Variants in FAM169A observed in about 807,000 individuals in gnomAD.
The protein encoded by FAM169A is soluble lamin-associated protein of 75 kDa.
In FAM169A, 24 loss-of-function variants were observed where a neutral mutation model predicts 75.7. That is an observed-to-expected ratio of 0.32 (90% CI 0.23 to 0.45). The LOEUF (loss-of-function observed/expected upper bound fraction) is 0.45, where lower values mean the gene tolerates loss of function less well. Ranked by LOEUF, FAM169A falls within the 20% of genes least tolerant of loss-of-function variation. The pLI, the probability that FAM169A is intolerant of heterozygous loss-of-function variation, is 1.00. For missense variants in FAM169A, 673 were observed against 784.0 expected (o/e 0.86, Z 1.69); for synonymous variants, 271 against 271.0 (o/e 1.00, Z 0.00).
rs985557846 is a variant in FAM169A at position 74,795,078 on chromosome 5, T to C, written c.1260+952A>G. On this transcript the variant is annotated intron_variant, in intron 11 of 12. Transcript: ENST00000687041. ...TTTGAGACCAGCCTGGCCAAAGTGG[T>C]GAAACCCCGTCTCTACTAAAAATAC... 2.6e-5 allele frequency among the ~76,000 whole-genome samples: 4 copies of C among 152,122 alleles called. No homozygotes were observed. In the East Asian group the frequency reaches 7.8e-4, roughly 30 times the overall value.
intron 12 of FAM169A, 68 bp downstream of exon 12, chr5:74,782,863 T>A: frequency 8.8e-7 from 1 of 1,142,774 alleles, no homozygotes; most frequent in South Asian, 1.4e-5. Context: ...ATATATACCA[T>A]GCACCCTCCT....
At chr5:74,842,290 A>T (rs1039767550) in intron 1 of FAM169A, among the ~76,000 whole-genome samples, 2 of 151,456 alleles carry the variant, frequency 1.3e-5, no homozygotes, top group African/African-American at 2.4e-5. Flanking sequence ...GCATGGTGGC[A>T]GATGCCTGTA....
At chr5:74,848,668 T>C (rs925189827) in intron 1 of FAM169A, 1 of 152,180 alleles carries the variant, frequency 6.6e-6, no homozygotes, top group Non-Finnish European at 1.5e-5. Context: ...GGTAACGTGA[T>C]GCAACTGGAC....
Position 74,841,665 on chromosome 5 carries a change from A to G in FAM169A, c.12T>C (p.Pro4=). Residue 4 remains proline, a synonymous_variant, in exon 2 of 13, where the codon CCT becomes CCC. Coordinates refer to ENST00000687041, the MANE Select transcript of FAM169A (RefSeq NM_001376049.1). ...GGCTGCAATTTTCCAGCATATCCACAGGGAATGCCATCCTCTTTAACAAAC... is the reference window on the plus strand; with the variant it reads ...GGCTGCAATTTTCCAGCATATCCACGGGGAATGCCATCCTCTTTAACAAAC... MAF[P]VDMLENCSHE... is the part of the protein sequence containing the mutation. 1 of 1,612,518 alleles carries G rather than the reference A, an allele frequency of 6.2e-7. No homozygotes were observed.
intron 1 of FAM169A, among the ~76,000 whole-genome samples, chr5:74,845,297 T>C (rs1749096571): frequency 6.6e-6 from 1 of 152,080 alleles, no homozygotes; most frequent in African/African-American, 2.4e-5. Flanking sequence ...GGTGGTTGGA[T>C]CATGAGGTCA....
intron 5 of FAM169A, among the ~76,000 whole-genome samples, chr5:74,821,711 T>C (rs191774048): frequency 8.1e-4 from 124 of 152,348 alleles, no homozygotes; most frequent in African/African-American, 2.8e-3. Flanking sequence ...TACACGTTCC[T>C]GGGAAGTGGA....
chr5:74,833,403 T>C (rs997896696), intron 5 of FAM169A, among the ~76,000 whole-genome samples: 4 of 152,304 alleles, frequency 2.6e-5, no homozygotes, highest in African/African-American at 9.6e-5. Flanking sequence ...TATTTCAAAT[T>C]TATACAAGAA....
chr5:74,819,415 GAT>G (rs1415018422), intron 5 of FAM169A, among the ~76,000 whole-genome samples: 3 of 152,204 alleles, frequency 2.0e-5, no homozygotes, highest in African/African-American at 7.2e-5. Context: ...TGTTGGCTAA[GAT>G]GTGGAGAAAC....
At chr5:74,858,761 A>G (rs1749883247) in intron 1 of FAM169A, among the ~76,000 whole-genome samples, 2 of 152,164 alleles carry the variant, frequency 1.3e-5, no homozygotes, top group South Asian at 2.1e-4. Context: ...AAAAAGTAAA[A>G]AAAAATTTGG....
intron 11 of FAM169A, among the ~76,000 whole-genome samples, chr5:74,792,106 T>G (rs1746008173): frequency 6.6e-6 from 1 of 152,226 alleles, no homozygotes; most frequent in African/African-American, 2.4e-5. Flanking sequence ...TTGTATTATG[T>G]TAGGCATAAT....
At chr5:74,832,577 A>T (rs958896650) in intron 5 of FAM169A, among the ~76,000 whole-genome samples, 14 of 150,230 alleles carry the variant, frequency 9.3e-5, no homozygotes, top group African/African-American at 3.2e-4. Context: ...TATTACATAC[A>T]TATCAGTATA....
upstream of FAM169A, chr5:74,866,509 G>T: frequency 1.6e-6 from 1 of 639,334 alleles, no homozygotes; most frequent in Non-Finnish European, 1.9e-6. Context: ...CCTCCCTCCA[G>T]CCCCGGCTTT....
chr5:74,866,784 G>C, upstream of FAM169A: 1 of 985,574 alleles, frequency 1.0e-6, no homozygotes. Flanking sequence ...GCCCGGTGGA[G>C]TTCTCCAGCC....
intron 5 of FAM169A, among the ~76,000 whole-genome samples, chr5:74,816,946 C>T (rs545144641): frequency 5.3e-5 from 8 of 152,068 alleles, no homozygotes; most frequent in Non-Finnish European, 1.2e-4. Context: ...AATGAAAGAG[C>T]TCATCTGAAT....
chr5:74,817,898 C>A (rs1747552628), intron 5 of FAM169A, among the ~76,000 whole-genome samples: 1 of 152,044 alleles, frequency 6.6e-6, no homozygotes, highest in Non-Finnish European at 1.5e-5. Flanking sequence ...CAAGACAATT[C>A]TATGGAGGAA....
At chr5:74,831,596 T>C (rs551817049) in intron 5 of FAM169A, among the ~76,000 whole-genome samples, 1 of 152,282 alleles carries the variant, frequency 6.6e-6, no homozygotes, top group East Asian at 1.9e-4. Flanking sequence ...ATCCAAAATC[T>C]GAAATGCCCC....
chr5:74,854,867 C>T (rs1291919381), intron 1 of FAM169A, among the ~76,000 whole-genome samples: 3 of 152,174 alleles, frequency 2.0e-5, no homozygotes, highest in Non-Finnish European at 2.9e-5. Context: ...ATGATTGACA[C>T]TCACGTTGCT....
intron 1 of FAM169A, among the ~76,000 whole-genome samples, chr5:74,864,016 T>G (rs770487870): frequency 7.9e-5 from 12 of 152,210 alleles, no homozygotes; most frequent in Non-Finnish European, 1.6e-4. Context: ...CTCGCCTCCA[T>G]AATTCTCCCT....
intron 5 of FAM169A, among the ~76,000 whole-genome samples, chr5:74,818,050 A>T (rs996602335): frequency 6.6e-6 from 1 of 152,228 alleles, no homozygotes; most frequent in East Asian, 1.9e-4. Flanking sequence ...AACTACTCAA[A>T]TTCTTAAAAG....
Sources: gnomAD v4.1 joint callset for allele counts (sites outside exome capture counted in the v4.1 genomes callset) on GRCh38, gnomAD v4.1.1 for gene constraint, MANE v1.5 for transcripts, NCBI Gene and HGNC (gene_info 2026-07-23, HGNC 2026-07-21) for gene names.